TIA1: variants seen among roughly 807,000 people sequenced by gnomAD.
TIA1 encodes cytotoxic granule associated RNA binding protein TIA1.
TIA1 carries 23 observed loss-of-function variants against 65.9 expected under a neutral mutation model. The observed-to-expected ratio is 0.35, with a 90% CI of 0.25 to 0.49. The LOEUF (loss-of-function observed/expected upper bound fraction) is 0.49. TIA1 is among the 20% of genes least tolerant of loss of function. The pLI, the probability that TIA1 is intolerant of heterozygous loss-of-function variation, is 0.98. For synonymous variants in TIA1, 147 were observed against 149.4 expected (o/e 0.98, Z 0.12); for missense variants, 371 against 477.9 (o/e 0.78, Z 2.09).
chr2:70,232,145 T>C (rs534557872), intron 2 of TIA1, among the ~76,000 whole-genome samples: 1 of 139,256 alleles, frequency 7.2e-6, no homozygotes, highest in Non-Finnish European at 1.5e-5. Context: ...GAGCTTGCAG[T>C]GTGCAGTGAG....
chr2:70,241,953 AAGG>A (rs1227571027), intron 1 of TIA1, among the ~76,000 whole-genome samples: 1 of 152,076 alleles, frequency 6.6e-6, no homozygotes, highest in South Asian at 2.1e-4. Context: ...TCACAGAATG[AAGG>A]AGAATAAAGA....
At chr2:70,240,252 C>T (rs2104668919) in intron 1 of TIA1, among the ~76,000 whole-genome samples, 1 of 152,246 alleles carries the variant, frequency 6.6e-6, no homozygotes, top group African/African-American at 2.4e-5. Context: ...TACACAGTAT[C>T]ACCTATGAAA....
At chr2:70,248,695 T>G (rs72841156), upstream of TIA1, 40,502 of 542,158 alleles carry the variant, frequency 0.075, 1,824 homozygotes, top group East Asian at 0.18. Context: ...AATCTTGCAC[T>G]CTCAACCTCC....
At chr2:70,234,775 T>C (rs1173076908) in intron 2 of TIA1, among the ~76,000 whole-genome samples, 4 of 152,038 alleles carry the variant, frequency 2.6e-5, no homozygotes, top group Non-Finnish European at 4.4e-5. Context: ...TTGGTCAGGC[T>C]AGTCTCGAAC....
chr2:70,212,306 C>A lies in TIA1; in HGVS notation c.*413G>T, dbSNP rs1218904388. 6.2e-6 allele frequency: 1 copy of A among 162,178 alleles called. No individual in the cohort carries two copies. The highest frequency in any genetic ancestry group is 5.9e-5 in the Admixed American group (1 of 16,880). 10.0% of individuals were successfully genotyped at this position (162,178 alleles called of 1,614,324 possible). ...GATGACAAACAACTTCTAGACTCTG[C>A]ACAGTTTTGGTTTTTTTTTTTAACA... On this transcript the variant is annotated 3_prime_UTR_variant, in exon 13 of 13. Coordinates refer to ENST00000433529, the MANE Select transcript of TIA1 (RefSeq NM_022173.4).
chr2:70,230,205 T>G (rs2104435193), intron 3 of TIA1, among the ~76,000 whole-genome samples: 1 of 145,744 alleles, frequency 6.9e-6, no homozygotes, highest in South Asian at 2.1e-4. Context: ...ATCGCGCCGC[T>G]GCACTCCAGC....
At chr2:70,236,202 C>CTTT in intron 1 of TIA1, 27 bp from the exon 2 acceptor site, 48 of 1,179,058 alleles carry the variant, frequency 4.1e-5, no homozygotes, top group African/African-American at 7.9e-5. Context: ...AACAATTTAC[C>CTTT]TTTTTTTTTT....
At chr2:70,218,380 G>A (rs995458025) in intron 7 of TIA1, among the ~76,000 whole-genome samples, 1 of 152,208 alleles carries the variant, frequency 6.6e-6, no homozygotes, top group African/African-American at 2.4e-5. Flanking sequence ...GAATGTCAGA[G>A]AATGAAACTG....
chr2:70,212,783 T>G lies in TIA1; in HGVS notation c.1097A>C (p.Gln366Pro). 8 of 1,614,202 alleles carry G rather than the reference T, an allele frequency of 5.0e-6. No individual in the cohort carries two copies. Among genetic ancestry groups the G allele is most frequent in the Non-Finnish European group, 6.8e-6 (8 of 1,180,010 alleles). ...CTGATTGGGCAACATGCTGCCATTT[T>G]GCCCTTGAGGCGGTTGCACTCCATA... Reference protein sequence around the residue: ...PNYGVQPPQGQNGSMLPNQPS... With the variant: ...PNYGVQPPQGPNGSMLPNQPS... The change falls in exon 13 of 13, where the codon CAA becomes CCA. Residue 366 changes from glutamine (Q) to proline (P), a missense_variant. Transcript: ENST00000433529.
chr2:70,223,008 A>G (rs552075508), intron 7 of TIA1, among the ~76,000 whole-genome samples: 55 of 152,376 alleles, frequency 3.6e-4, no homozygotes, highest in African/African-American at 1.2e-3. Flanking sequence ...GAGGCCATAC[A>G]CAGGTTATCA....
At chr2:70,240,888 A>G (rs1326231939) in intron 1 of TIA1, among the ~76,000 whole-genome samples, 25 of 145,962 alleles carry the variant, frequency 1.7e-4, no homozygotes, top group Non-Finnish European at 1.9e-4. Flanking sequence ...CCCCCCACCA[A>G]AAAAAAAGGA....
At chr2:70,232,540 CAAAAAAAAAAAAAAAAAAAAA>C (rs70956955) in intron 2 of TIA1, among the ~76,000 whole-genome samples, 6 of 40,268 alleles carry the variant, frequency 1.5e-4, no homozygotes, top group African/African-American at 4.1e-4. Context: ...AACTCTGTCT[CAAAAAAAAAAAAAAAAAAAAA>C]AAAAAAAAAA....
At position 70,236,016 on chromosome 2, in the gene TIA1, C is replaced by T. The variant is rs144679509; in HGVS notation, c.123+63G>A. The T allele has an allele frequency of 4.7e-4, 449 of 955,506 alleles. 2 individuals are homozygous for T. The African/African-American group carries it at 6.5e-3, about 14-fold the overall frequency. The allele number at this position is 955,506 out of a possible 1,614,324, so 59.2% of individuals were successfully genotyped here. ...TGGTAAACTAAGAATTCCTTCCAAG[C>T]AATGGCTTTAAGTAATGTGTAAAAA... On this transcript the variant is annotated intron_variant, in intron 2 of 12. Coordinates refer to ENST00000433529, the MANE Select transcript of TIA1 (RefSeq NM_022173.4).
rs535802569 is a variant in TIA1, at chr2:70,245,605, A to G, written c.26+2800T>C. ...AATTTCAAATTTATATATGGAGAAGAGTAGTATACATCACCCATATGCTCA... is the reference window on the plus strand; with the variant it reads ...AATTTCAAATTTATATATGGAGAAGGGTAGTATACATCACCCATATGCTCA... On this transcript the variant is annotated intron_variant, in intron 1 of 12. Transcript: ENST00000433529. Among the ~76,000 whole-genome samples the G allele has an allele frequency of 5.9e-5, 9 of 152,296 alleles. No homozygotes were observed. In the South Asian group the frequency reaches 1.9e-3, roughly 32 times the overall value.
chr2:70,212,556 A>T lies in TIA1; in HGVS notation c.*163T>A, dbSNP rs1573116899. 1.9e-6 allele frequency: 1 copy of T among 522,738 alleles called. No individual in the cohort carries two copies. The highest frequency in any genetic ancestry group is 3.5e-6 in the Non-Finnish European group (1 of 288,800). 32.4% of individuals were successfully genotyped at this position (522,738 alleles called of 1,614,324 possible). On this transcript the variant is annotated 3_prime_UTR_variant, in exon 13 of 13. Coordinates refer to ENST00000433529, the MANE Select transcript of TIA1 (RefSeq NM_022173.4). Reference sequence around the variant, plus strand: ...CCAGCATCTTGTTTCTTTTTAAAACAATGTGGATGATAAGTAATTTCATGA... The same window carrying T: ...CCAGCATCTTGTTTCTTTTTAAAACTATGTGGATGATAAGTAATTTCATGA...
chr2:70,229,352 C>A, intron 3 of TIA1, 34 bp from the exon 4 acceptor site: 7 of 1,566,930 alleles, frequency 4.5e-6, no homozygotes, highest in Non-Finnish European at 5.2e-6. Flanking sequence ...TTATACTTCA[C>A]AAAAATAAAG....
chr2:70,212,914 A>C lies in TIA1; in HGVS notation c.1035-69T>G. On this transcript the variant is annotated intron_variant, in intron 12 of 12. Transcript: ENST00000433529. ...TGATTAAAATAAAGTATTGGCAAGA[A>C]CAAACAACAAGAACAAATATGGGAA... The C allele has an allele frequency of 4.9e-6, 5 of 1,022,852 alleles. No homozygotes were observed. The South Asian group carries it at 6.7e-5, about 14-fold the overall frequency. 63.4% of individuals were successfully genotyped at this position (1,022,852 alleles called of 1,614,324 possible).
In TIA1 at chr2:70,209,793, T is replaced by C. The variant is rs1676032936; in HGVS notation, c.*2926A>G. ...TGCTTTCTTATTTCCTGTAAGTACA[T>C]TTCGTTTTTCTAATTCAACTGTAAC... On this transcript the variant is annotated 3_prime_UTR_variant, in exon 13 of 13. Coordinates refer to ENST00000433529, the MANE Select transcript of TIA1 (RefSeq NM_022173.4). 2.5e-6 allele frequency: 1 copy of C among 398,166 alleles called. No individual in the cohort carries two copies. Among genetic ancestry groups the C allele is most frequent in the Non-Finnish European group, 4.4e-6 (1 of 225,884 alleles). The allele number at this position is 398,166 out of a possible 1,614,324, so 24.7% of individuals were successfully genotyped here. A position where few individuals can be genotyped will look rare whatever the true frequency, so the allele number is the denominator to read the frequency against.
At chr2:70,231,929 G>A (rs374941122) in intron 2 of TIA1, among the ~76,000 whole-genome samples, 18 of 152,044 alleles carry the variant, frequency 1.2e-4, no homozygotes, top group African/African-American at 3.6e-4. Flanking sequence ...CCCGCCAGGC[G>A]CAGTGGCTCA....
Sources: gnomAD v4.1 joint callset for allele counts (sites outside exome capture counted in the v4.1 genomes callset) on GRCh38, gnomAD v4.1.1 for gene constraint, MANE v1.5 for transcripts, NCBI Gene and HGNC (gene_info 2026-07-23, HGNC 2026-07-21) for gene names.